The following FOXK2 variants were observed in gnomAD, a reference collection of about 807,000 sequenced individuals.
FOXK2 encodes the protein forkhead box K2, also known as forkhead box protein K2.
Under a neutral mutation model 53.3 loss-of-function variants are expected in FOXK2, and 24 were observed. That is an observed-to-expected ratio of 0.45 (90% CI 0.33 to 0.63). The LOEUF is 0.63. Among genes scored for constraint, FOXK2 ranks in the 30% least tolerant of loss-of-function variants. The pLI, the probability that FOXK2 is intolerant of heterozygous loss-of-function variation, is 0.03. For synonymous variants in FOXK2, 505 were observed against 407.1 expected (o/e 1.24, Z -2.89); for missense variants, 952 against 910.5 (o/e 1.05, Z -0.59).
In FOXK2 at chr17:82,603,163, G is replaced by T. The variant is rs543020621; in HGVS notation, c.*1664G>T. 2 of 152,552 alleles carry T rather than the reference G, an allele frequency of 1.3e-5. No homozygotes were observed. Among genetic ancestry groups the T allele is most frequent in the African/African-American group, 2.4e-5 (1 of 41,596 alleles). The allele number at this position is 152,552 out of a possible 1,614,324, so 9.4% of individuals were successfully genotyped here. On this transcript the variant is annotated 3_prime_UTR_variant, in exon 9 of 9. Coordinates refer to ENST00000335255, the MANE Select transcript of FOXK2 (RefSeq NM_004514.4). ...GCTGGATTATCACTCAGCCGTTTAA[G>T]AAATAAAAGCAAAACCATCACGTGA...
rs369062592 is a variant in FOXK2 at position 82,526,104 on chromosome 17, A to G, written c.419+5797A>G. Among the ~76,000 whole-genome samples the G allele has an allele frequency of 5.3e-5, 8 of 152,318 alleles. No individual in the cohort carries two copies. In the South Asian group the frequency reaches 6.2e-4, roughly 12 times the overall value. On this transcript the variant is annotated intron_variant, in intron 1 of 8. Coordinates refer to ENST00000335255, the MANE Select transcript of FOXK2 (RefSeq NM_004514.4). ...ACTTGTTTATTAAATCAGAGACAGT[A>G]TCTTCCAAGGTGAAGACTGGAGAGA...
At chr17:82,529,007 C>T (rs900097554) in intron 1 of FOXK2, among the ~76,000 whole-genome samples, 1 of 152,064 alleles carries the variant, frequency 6.6e-6, no homozygotes, top group Non-Finnish European at 1.5e-5. Flanking sequence ...GGACAGAGGC[C>T]AGGGATGCCA....
At chr17:82,600,567 A>G (rs1260379847) in intron 8 of FOXK2, 1 of 152,308 alleles carries the variant, frequency 6.6e-6, no homozygotes, top group African/African-American at 2.4e-5. Context: ...AGAAACATCC[A>G]GATTAATGGT....
In FOXK2 at chr17:82,586,134, C is replaced by G. The variant is rs780073535; in HGVS notation, c.1510C>G (p.Pro504Ala). 2 of 1,612,482 alleles carry G rather than the reference C, an allele frequency of 1.2e-6. No individual in the cohort carries two copies. Among genetic ancestry groups the G allele is most frequent in the East Asian group, 4.5e-5 (2 of 44,894 alleles). Residue 504 changes from proline (P) to alanine (A), a missense_variant, in exon 7 of 9, where the codon CCG becomes GCG. Coordinates refer to ENST00000335255, the MANE Select transcript of FOXK2 (RefSeq NM_004514.4). ...TGTCTCTGGACAAGCTGTGGTCACC[C>G]CGGCAGCCGTGCTGGCCCCTCCTAA... ...YTVSGQAVVT[P>A]AAVLAPPKAE...
intron 8 of FOXK2, among the ~76,000 whole-genome samples, chr17:82,589,652 G>A (rs1053800344): frequency 6.6e-6 from 1 of 151,476 alleles, no homozygotes; most frequent in African/African-American, 2.4e-5. Context: ...TTCCACTCAG[G>A]AAGGAGAGGA....
intron 4 of FOXK2, among the ~76,000 whole-genome samples, chr17:82,573,536 A>ACTCTCTCT (rs373747209): frequency 7.2e-6 from 1 of 138,826 alleles, no homozygotes; most frequent in Non-Finnish European, 1.6e-5. Flanking sequence ...ACACACACAC[A>ACTCTCTCT]CTCTCTCTCT....
chr17:82,592,453 C>G (rs2045261824), intron 8 of FOXK2, among the ~76,000 whole-genome samples: 1 of 152,240 alleles, frequency 6.6e-6, no homozygotes, highest in East Asian at 1.9e-4. Context: ...GCTCAAGCCT[C>G]ACAGTGGAGG....
chr17:82,526,990 G>T (rs1016968383), intron 1 of FOXK2, among the ~76,000 whole-genome samples: 3 of 152,128 alleles, frequency 2.0e-5, no homozygotes, highest in Non-Finnish European at 4.4e-5. Context: ...GGAGCTACTA[G>T]GAAAGTCTGG....
chr17:82,571,649 A>G, intron 3 of FOXK2, 75 bp from the exon 4 acceptor site: 2 of 1,374,914 alleles, frequency 1.5e-6, no homozygotes, highest in Non-Finnish European at 9.6e-7. Flanking sequence ...AGCACTGAGA[A>G]TCTTTAAATC....
rs376562691 is a variant in FOXK2 at position 82,528,401 on chromosome 17, A to G, written c.419+8094A>G. Among the ~76,000 whole-genome samples, 27 of 152,292 alleles carry G rather than the reference A, an allele frequency of 1.8e-4. No individual in the cohort carries two copies. In the South Asian group the frequency reaches 5.4e-3, roughly 30 times the overall value. The stretch of plus-strand genomic sequence containing the variant: ...AAGCAGTTGGCATTTGGGTAGTAGT[A>G]TTCTTATCTGTTTAACATTTTTGTG... On this transcript the variant is annotated intron_variant, in intron 1 of 8. Transcript: ENST00000335255.
At chr17:82,575,558 A>T (rs2044972629) in intron 4 of FOXK2, among the ~76,000 whole-genome samples, 2 of 152,360 alleles carry the variant, frequency 1.3e-5, no homozygotes, top group Admixed American at 1.3e-4. Context: ...ATATATTTTT[A>T]AAATAATGCT....
intron 1 of FOXK2, among the ~76,000 whole-genome samples, chr17:82,555,503 A>C (rs2044714670): frequency 6.6e-6 from 1 of 152,180 alleles, no homozygotes; most frequent in South Asian, 2.1e-4. Context: ...AAACAGTTTT[A>C]ATGTATCTTG....
intron 6 of FOXK2, 26 bp from the exon 7 acceptor site, chr17:82,585,878 G>A (rs1302631096): frequency 6.3e-7 from 1 of 1,594,224 alleles, no homozygotes; most frequent in Admixed American, 1.7e-5. Context: ...ATCTGTAAGT[G>A]TCAGTCCTGC....
intron 1 of FOXK2, among the ~76,000 whole-genome samples, chr17:82,545,648 C>T (rs2044617327): frequency 6.7e-6 from 1 of 148,704 alleles, no homozygotes; most frequent in African/African-American, 2.5e-5. Context: ...GTGGCACGAT[C>T]TTGGCTCACT....
At chr17:82,573,556 T>A (rs1315651515) in intron 4 of FOXK2, among the ~76,000 whole-genome samples, 4 of 116,454 alleles carry the variant, frequency 3.4e-5, no homozygotes, top group African/African-American at 9.0e-5. Flanking sequence ...TCTCTCTCTC[T>A]CTCTCTCACA....
intron 1 of FOXK2, among the ~76,000 whole-genome samples, chr17:82,523,114 T>C (rs1417856177): frequency 6.6e-6 from 1 of 152,104 alleles, no homozygotes; most frequent in Non-Finnish European, 1.5e-5. Context: ...TTTTGAACAG[T>C]AGGAATGAGT....
intron 1 of FOXK2, among the ~76,000 whole-genome samples, chr17:82,539,726 A>G (rs190773664): frequency 0.011 from 1,609 of 152,160 alleles, 14 homozygotes; most frequent in Non-Finnish European, 0.018. Flanking sequence ...ACACTTTGGG[A>G]GGCTGAGGTG....
At chr17:82,541,193 A>G (rs2044571484) in intron 1 of FOXK2, among the ~76,000 whole-genome samples, 2 of 152,130 alleles carry the variant, frequency 1.3e-5, no homozygotes, top group Admixed American at 1.3e-4. Context: ...GGTGTGGTAT[A>G]AGCACAAGTA....
At chr17:82,574,652 G>A (rs2044962514) in intron 4 of FOXK2, among the ~76,000 whole-genome samples, 1 of 152,148 alleles carries the variant, frequency 6.6e-6, no homozygotes, top group African/African-American at 2.4e-5. Flanking sequence ...GTCCTCAGCT[G>A]TACCCTTGGC....
Sources: allele counts gnomAD v4.1 joint callset (sites outside exome capture counted in the v4.1 genomes callset), GRCh38; gene constraint gnomAD v4.1.1; transcripts MANE v1.5; gene names NCBI Gene and HGNC (gene_info 2026-07-23, HGNC 2026-07-21).